The following ADAMTS6 variants were observed in gnomAD, a reference collection of about 807,000 sequenced individuals.
ADAMTS6 encodes A disintegrin and metalloproteinase with thrombospondin motifs 6.
A neutral mutation model predicts 144.3 loss-of-function variants in ADAMTS6; 23 were observed. The observed-to-expected ratio is 0.16, with a 90% CI of 0.11 to 0.23. ADAMTS6 has a LOEUF of 0.23. Among genes scored for constraint, ADAMTS6 ranks in the 10% least tolerant of loss-of-function variants. The pLI is 1.00. For synonymous variants in ADAMTS6, 444 were observed against 457.5 expected, an observed-to-expected ratio of 0.97 and a Z score of 0.38; for missense variants, 999 against 1,379.6, an observed-to-expected ratio of 0.72 and a Z score of 4.37.
intron 7 of ADAMTS6, among the ~76,000 whole-genome samples, chr5:65,394,228 C>A (rs937522903): frequency 3.3e-5 from 5 of 152,166 alleles, no homozygotes; most frequent in African/African-American, 1.2e-4. Flanking sequence ...TCCAAGCAAG[C>A]AGGCTGGTTG....
intron 22 of ADAMTS6, among the ~76,000 whole-genome samples, chr5:65,173,674 G>T (rs760812152): frequency 3.9e-5 from 6 of 152,092 alleles, no homozygotes; most frequent in African/African-American, 1.4e-4. Flanking sequence ...TATTTAACAT[G>T]GTAGCTGACT....
At chr5:65,236,684 A>T (rs1758698676) in intron 15 of ADAMTS6, among the ~76,000 whole-genome samples, 1 of 152,222 alleles carries the variant, frequency 6.6e-6, no homozygotes, top group African/African-American at 2.4e-5. Flanking sequence ...GTTCTAAGTA[A>T]CCCAGAGGTC....
At chr5:65,317,199 C>A (rs1745091950) in intron 9 of ADAMTS6, among the ~76,000 whole-genome samples, 1 of 152,188 alleles carries the variant, frequency 6.6e-6, no homozygotes, top group South Asian at 2.1e-4. Flanking sequence ...GACAAATCTA[C>A]ATATGCATTT....
Position 65,395,870 on chromosome 5 carries a change from T to C in ADAMTS6, c.1073+55605A>G, listed in dbSNP as rs529192997. On this transcript the variant is annotated intron_variant, in intron 7 of 24. Transcript: ENST00000381055. ...CAGCAATAACTTGTACTATTAACAA[T>C]AGACTCAATCATAACGGTGTAACAG... Among the ~76,000 whole-genome samples, 4 of 152,324 alleles carry C rather than the reference T, an allele frequency of 2.6e-5. No individual in the cohort carries two copies. In the South Asian group the frequency reaches 6.2e-4, roughly 24 times the overall value.
intron 9 of ADAMTS6, among the ~76,000 whole-genome samples, chr5:65,306,978 C>A (rs969535758): frequency 3.9e-5 from 6 of 152,090 alleles, no homozygotes; most frequent in Admixed American, 1.3e-4. Flanking sequence ...CTCCACTGTG[C>A]TGTTTGTTTT....
chr5:65,250,611 AAAG>A (rs1407158175), intron 14 of ADAMTS6, among the ~76,000 whole-genome samples: 3 of 152,236 alleles, frequency 2.0e-5, no homozygotes, highest in Non-Finnish European at 4.4e-5. Context: ...TTTTATGCAT[AAAG>A]AAGGGAAATC....
intron 7 of ADAMTS6, among the ~76,000 whole-genome samples, chr5:65,395,423 A>C (rs1753258885): frequency 6.6e-6 from 1 of 152,158 alleles, no homozygotes; most frequent in Non-Finnish European, 1.5e-5. Context: ...AAATTTTTTT[A>C]ACACAACACT....
intron 11 of ADAMTS6, among the ~76,000 whole-genome samples, chr5:65,282,453 A>T (rs1281268900): frequency 2.0e-5 from 3 of 152,104 alleles, no homozygotes; most frequent in African/African-American, 7.2e-5. Flanking sequence ...AATGTTTCTT[A>T]TTAGACTTAA....
chr5:65,176,541 A>G (rs1487295884), intron 22 of ADAMTS6, among the ~76,000 whole-genome samples: 1 of 152,198 alleles, frequency 6.6e-6, no homozygotes, highest in Non-Finnish European at 1.5e-5. Flanking sequence ...ATATTGGCTA[A>G]AGTTAAAGGG....
chr5:65,150,872 A>C lies in ADAMTS6; in HGVS notation c.*964T>G, dbSNP rs1331474630. The C allele has an allele frequency of 6.5e-6, 1 of 152,692 alleles. No homozygotes were observed. Among genetic ancestry groups the C allele is most frequent in the Non-Finnish European group, 1.5e-5 (1 of 68,054 alleles). 9.5% of individuals were successfully genotyped at this position (152,692 alleles called of 1,614,324 possible). Reference sequence around the variant, plus strand: ...TCAGTAAGCTCAACACACGTGCAGCAATCCAAAGGGCAGAAGCCGTGCTGT... The same window carrying C: ...TCAGTAAGCTCAACACACGTGCAGCCATCCAAAGGGCAGAAGCCGTGCTGT... On this transcript the variant is annotated 3_prime_UTR_variant, in exon 25 of 25. Coordinates refer to ENST00000381055, the MANE Select transcript of ADAMTS6 (RefSeq NM_197941.4).
chr5:65,336,712 C>G (rs1185536258), intron 7 of ADAMTS6, among the ~76,000 whole-genome samples: 2 of 152,010 alleles, frequency 1.3e-5, no homozygotes, highest in South Asian at 2.1e-4. Flanking sequence ...GATATTTGTG[C>G]CTTCCTGCTT....
At chr5:65,297,287 T>G in intron 10 of ADAMTS6, 1 of 455,466 alleles carries the variant, frequency 2.2e-6, no homozygotes, top group South Asian at 1.6e-5. Context: ...ATCTCCTGAT[T>G]GATCAATAGC....
intron 7 of ADAMTS6, among the ~76,000 whole-genome samples, chr5:65,356,597 C>A (rs1749348300): frequency 6.6e-6 from 1 of 151,916 alleles, no homozygotes; most frequent in South Asian, 2.1e-4. Context: ...ATATTTTGCA[C>A]CTTTTCTTGT....
chr5:65,324,811 AC>A (rs1374936217), intron 9 of ADAMTS6, among the ~76,000 whole-genome samples: 4 of 152,176 alleles, frequency 2.6e-5, no homozygotes, highest in African/African-American at 9.7e-5. Context: ...TTCATTAAAC[AC>A]CATGCTACCA....
intron 14 of ADAMTS6, among the ~76,000 whole-genome samples, chr5:65,254,158 T>C (rs1170476930): frequency 6.6e-6 from 1 of 152,098 alleles, no homozygotes; most frequent in East Asian, 1.9e-4. Context: ...TTACTCAGTC[T>C]TAACTCCAAT....
intron 7 of ADAMTS6, among the ~76,000 whole-genome samples, chr5:65,446,138 A>G (rs2150240408): frequency 6.6e-6 from 1 of 152,350 alleles, no homozygotes; most frequent in East Asian, 1.9e-4. Flanking sequence ...TTCTTTAAAG[A>G]TTTTTAAAAA....
chr5:65,333,655 A>T (rs1746997954), intron 8 of ADAMTS6, among the ~76,000 whole-genome samples: 1 of 151,006 alleles, frequency 6.6e-6, no homozygotes. Context: ...CAAGATGTTG[A>T]CTGCTTTCAT....
At chr5:65,173,525 TTCCCCA>T (rs1330092396) in intron 22 of ADAMTS6, among the ~76,000 whole-genome samples, 1 of 152,236 alleles carries the variant, frequency 6.6e-6, no homozygotes, top group Admixed American at 6.5e-5. Context: ...CTCTGGACTT[TTCCCCA>T]TCCATCAGTT....
intron 21 of ADAMTS6, among the ~76,000 whole-genome samples, chr5:65,190,922 T>C (rs1426611301): frequency 6.6e-6 from 1 of 152,064 alleles, no homozygotes; most frequent in Non-Finnish European, 1.5e-5. Flanking sequence ...TCTGCTTGTC[T>C]CAGTTTCTCC....
Sources: gnomAD v4.1 joint callset for allele counts (sites outside exome capture counted in the v4.1 genomes callset) on GRCh38, gnomAD v4.1.1 for gene constraint, MANE v1.5 for transcripts, NCBI Gene and HGNC (gene_info 2026-07-23, HGNC 2026-07-21) for gene names.